The following PAN3 variants were observed in gnomAD, a reference collection of about 807,000 sequenced individuals.
The protein encoded by PAN3 is PAN2-PAN3 deadenylation complex subunit PAN3.
PAN3 carries 19 observed loss-of-function variants against 96.2 expected under a neutral mutation model. The ratio of observed to expected loss-of-function variants is 0.20; its 90% CI spans 0.14 to 0.29. The LOEUF (loss-of-function observed/expected upper bound fraction) is 0.29. Ranked by LOEUF, PAN3 falls within the 10% of genes least tolerant of loss-of-function variation. The pLI, the probability that PAN3 is intolerant of heterozygous loss-of-function variation, is 1.00. For synonymous variants in PAN3, 433 were observed against 406.6 expected (o/e 1.06, Z -0.78); for missense variants, 882 against 1,108.1 (o/e 0.80, Z 2.90).
At chr13:28,144,726 T>C (rs1231052360) in intron 1 of PAN3, among the ~76,000 whole-genome samples, 1 of 132,112 alleles carries the variant, frequency 7.6e-6, no homozygotes, top group Admixed American at 7.5e-5. Flanking sequence ...ATCTTTTTTT[T>C]TTTTTTTTTT....
At chr13:28,152,247 A>G (rs1243086335) in intron 1 of PAN3, among the ~76,000 whole-genome samples, 1 of 152,156 alleles carries the variant, frequency 6.6e-6, no homozygotes, top group Non-Finnish European at 1.5e-5. Context: ...TAAGCAAACA[A>G]TTACAAATCC....
At chr13:28,270,997 TC>T in intron 13 of PAN3, 131 bp downstream of exon 13, 1 of 995,462 alleles carries the variant, frequency 1.0e-6, no homozygotes, top group Non-Finnish European at 1.4e-6. Flanking sequence ...AACTTTGAAT[TC>T]ATTTGTAAGC....
chr13:28,283,496 A>G (rs1868552725), intron 17 of PAN3, among the ~76,000 whole-genome samples: 1 of 152,142 alleles, frequency 6.6e-6, no homozygotes, highest in Non-Finnish European at 1.5e-5. Context: ...CCATCAGTCT[A>G]TATTTTTAGT....
rs1297200533 is a variant in PAN3 at position 28,194,464 on chromosome 13, A to ATT, written c.691-2720_691-2719insTT. On this transcript the variant is annotated intron_variant, in intron 4 of 18. Coordinates refer to ENST00000380958, the MANE Select transcript of PAN3 (RefSeq NM_175854.8). ...TATATATGTATGTATATATATATAT[A>ATT]TATTTTTTTTTTTTTTTTTTTGTAG... 1.1e-3 allele frequency among the ~76,000 whole-genome samples: 113 copies of ATT among 106,662 alleles called. 3 individuals are homozygous for ATT. The highest frequency in any genetic ancestry group is 4.3e-3 in the African/African-American group (93 of 21,636). The allele number at this position is 106,662 out of a possible 152,430, so 70.0% of individuals were successfully genotyped here.
intron 6 of PAN3, among the ~76,000 whole-genome samples, chr13:28,240,505 A>T (rs1470499778): frequency 6.6e-6 from 1 of 152,184 alleles, no homozygotes; most frequent in Non-Finnish European, 1.5e-5. Context: ...GATGGTTGAA[A>T]ATATATAGGA....
chr13:28,235,588 T>C (rs1883003973), intron 6 of PAN3, among the ~76,000 whole-genome samples: 1 of 152,098 alleles, frequency 6.6e-6, no homozygotes, highest in South Asian at 2.1e-4. Flanking sequence ...AAGTCATAGC[T>C]ACTTCTCTGG....
chr13:28,217,087 C>A (rs1338659307), intron 5 of PAN3, among the ~76,000 whole-genome samples: 2 of 150,076 alleles, frequency 1.3e-5, no homozygotes, highest in Non-Finnish European at 2.9e-5. Flanking sequence ...GTACTCCAGC[C>A]TGGGTGACAG....
intron 6 of PAN3, among the ~76,000 whole-genome samples, chr13:28,242,625 A>G (rs45520840): frequency 0.01 from 1,558 of 152,318 alleles, 24 homozygotes; most frequent in African/African-American, 0.035. Context: ...GTTGAGGTTT[A>G]GAGTATTTGG....
intron 1 of PAN3, among the ~76,000 whole-genome samples, chr13:28,147,183 T>G (rs1467601843): frequency 6.6e-6 from 1 of 152,200 alleles, no homozygotes; most frequent in Non-Finnish European, 1.5e-5. Flanking sequence ...TCTTACAAAA[T>G]AAAACTAGCC....
At chr13:28,159,712 T>C (rs1040326055) in intron 1 of PAN3, among the ~76,000 whole-genome samples, 12 of 152,008 alleles carry the variant, frequency 7.9e-5, no homozygotes, top group Non-Finnish European at 4.4e-5. Flanking sequence ...CCTCCCAAGG[T>C]GCTGGGATTA....
At position 28,174,402 on chromosome 13, in the gene PAN3, A is replaced by T. The variant is rs1874690226; in HGVS notation, c.552+9A>T. ...AATATCCCCTGATGCAGGTATCCTT[A>T]GTATAAATTCATATTGCACTATGAA... On this transcript the variant is annotated intron_variant, in intron 2 of 18. Coordinates refer to ENST00000380958, the MANE Select transcript of PAN3 (RefSeq NM_175854.8). The T allele has an allele frequency of 6.2e-7, 1 of 1,612,036 alleles. No individual in the cohort carries two copies. The highest frequency in any genetic ancestry group is 1.3e-5 in the African/African-American group (1 of 74,986).
chr13:28,281,628 G>C (rs1036316420), intron 17 of PAN3, among the ~76,000 whole-genome samples: 1 of 152,062 alleles, frequency 6.6e-6, no homozygotes, highest in Non-Finnish European at 1.5e-5. Flanking sequence ...TTGCACATGA[G>C]GGCACATTTT....
intron 6 of PAN3, among the ~76,000 whole-genome samples, chr13:28,243,153 T>C (rs1883842891): frequency 6.6e-6 from 1 of 152,206 alleles, no homozygotes; most frequent in South Asian, 2.1e-4. Flanking sequence ...TTTAGTACAA[T>C]GTTATAGAGA....
At chr13:28,199,424 G>C (rs1386083706) in intron 5 of PAN3, among the ~76,000 whole-genome samples, 1 of 151,960 alleles carries the variant, frequency 6.6e-6, no homozygotes, top group Non-Finnish European at 1.5e-5. Flanking sequence ...GTGAAATATT[G>C]AATTGGTGTT....
intron 6 of PAN3, among the ~76,000 whole-genome samples, chr13:28,234,610 A>T (rs8000477): frequency 0.019 from 2,963 of 152,264 alleles, 105 homozygotes; most frequent in African/African-American, 0.067. Context: ...ACTTGTCTTC[A>T]TACCTCAATT....
chr13:28,168,864 A>C (rs1282170013), intron 1 of PAN3, among the ~76,000 whole-genome samples: 1 of 151,740 alleles, frequency 6.6e-6, no homozygotes, highest in Non-Finnish European at 1.5e-5. Flanking sequence ...TAAAAATACA[A>C]AAAATTACTT....
chr13:28,261,668 A>G (rs940303682), intron 9 of PAN3, among the ~76,000 whole-genome samples: 5 of 151,900 alleles, frequency 3.3e-5, no homozygotes, highest in Admixed American at 2.6e-4. Flanking sequence ...ACCTGTCTCT[A>G]CAAAAAATAA....
At chr13:28,216,140 A>G (rs561312682) in intron 5 of PAN3, among the ~76,000 whole-genome samples, 4 of 151,906 alleles carry the variant, frequency 2.6e-5, no homozygotes, top group African/African-American at 7.2e-5. Context: ...TTTAATGGAA[A>G]CAACTTGACC....
Position 28,220,271 on chromosome 13 carries a change from G to A in PAN3, c.893G>A (p.Gly298Glu). Residue 298 changes from glycine (G) to glutamate (E), a missense_variant, in exon 6 of 19, where the codon GGA becomes GAA. This residue lies in a region of PAN3 where 442 missense variants were observed against 422.8 expected (regional missense o/e 1.05). Transcript: ENST00000380958. ...GCAAGCGAGTTTATTCCTAAAGGAG[G>A]ATCAACCTCCAGGCTGAGTAACGTG... ...PTASEFIPKG[G>E]STSRLSNVSQ... The A allele has an allele frequency of 3.1e-6, 5 of 1,613,468 alleles. No individual in the cohort carries two copies. The highest frequency in any genetic ancestry group is 4.2e-6 in the Non-Finnish European group (5 of 1,179,646).
Sources: gnomAD v4.1 joint callset for allele counts (sites outside exome capture counted in the v4.1 genomes callset) on GRCh38, gnomAD v4.1.1 for gene constraint, gnomAD v4.1.1 regional missense constraint, MANE v1.5 for transcripts, NCBI Gene and HGNC (gene_info 2026-07-23, HGNC 2026-07-21) for gene names.